The following GRM8 variants were observed in gnomAD, a reference collection of about 807,000 sequenced individuals.
The protein encoded by GRM8 is metabotropic glutamate receptor 8.
Under a neutral mutation model 87.2 loss-of-function variants are expected in GRM8, and 47 were observed. The observed-to-expected ratio is 0.54, with a 90% CI of 0.43 to 0.69. The LOEUF is 0.69. Among genes scored for constraint, GRM8 ranks in the 30% least tolerant of loss-of-function variants. The pLI is 0.00. For missense variants in GRM8, 1,019 were observed against 1,139.2 expected, an observed-to-expected ratio of 0.89 and a Z score of 1.52; for synonymous variants, 396 against 404.5, an observed-to-expected ratio of 0.98 and a Z score of 0.25.
chr7:126,729,991 A>C (rs74318634), intron 7 of GRM8, among the ~76,000 whole-genome samples: 3,297 of 152,224 alleles, frequency 0.022, 98 homozygotes, highest in Non-Finnish European at 0.025. Context: ...TCAGATATGC[A>C]AGAGTTTAGA....
intron 3 of GRM8, among the ~76,000 whole-genome samples, chr7:127,042,592 C>T (rs186078923): frequency 3.3e-5 from 5 of 152,318 alleles, no homozygotes; most frequent in East Asian, 3.9e-4. Context: ...CCCTTCCTTA[C>T]ACCTTATACA....
chr7:127,198,565 G>A (rs1028375157), intron 2 of GRM8, among the ~76,000 whole-genome samples: 1 of 152,172 alleles, frequency 6.6e-6, no homozygotes, highest in Admixed American at 6.6e-5. Context: ...TCCTTTCATT[G>A]AGAGATGTTT....
chr7:126,680,961 T>C (rs2151331694), intron 7 of GRM8, among the ~76,000 whole-genome samples: 1 of 152,314 alleles, frequency 6.6e-6, no homozygotes, highest in South Asian at 2.1e-4. Context: ...CTTTCCCCTG[T>C]CCATTGTGTG....
chr7:127,103,329 T>C (rs1283483338), intron 3 of GRM8, among the ~76,000 whole-genome samples: 1 of 152,210 alleles, frequency 6.6e-6, no homozygotes, highest in African/African-American at 2.4e-5. Context: ...GTTTGGGTCA[T>C]GGGGGCAGAT....
intron 8 of GRM8, among the ~76,000 whole-genome samples, chr7:126,551,963 T>C (rs894185074): frequency 6.6e-6 from 1 of 152,194 alleles, no homozygotes; most frequent in Non-Finnish European, 1.5e-5. Flanking sequence ...CCAATCTACC[T>C]TTTGAGCATC....
intron 9 of GRM8, among the ~76,000 whole-genome samples, chr7:126,483,032 T>C (rs560466219): frequency 1.3e-5 from 2 of 149,684 alleles, no homozygotes; most frequent in Admixed American, 1.3e-4. Context: ...TGTATACTTA[T>C]TTTAGTTACA....
chr7:126,961,662 T>C (rs1809337099), intron 3 of GRM8, among the ~76,000 whole-genome samples: 1 of 152,188 alleles, frequency 6.6e-6, no homozygotes, highest in African/African-American at 2.4e-5. Flanking sequence ...GCTTTGTACA[T>C]GTTCTGTTTT....
intron 7 of GRM8, among the ~76,000 whole-genome samples, chr7:126,707,714 C>T (rs985332330): frequency 6.6e-6 from 1 of 151,952 alleles, no homozygotes; most frequent in Non-Finnish European, 1.5e-5. Flanking sequence ...AGACATTTGC[C>T]CTTTATCTTA....
At chr7:126,722,972 A>G (rs1187256584) in intron 7 of GRM8, among the ~76,000 whole-genome samples, 2 of 144,354 alleles carry the variant, frequency 1.4e-5, no homozygotes, top group Admixed American at 1.4e-4. Flanking sequence ...GTAAATATAT[A>G]ATTTACATAT....
chr7:126,456,519 T>TAAAAAAAAAAAAAAAAAAAAAA lies in GRM8; in HGVS notation c.2431-10169_2431-10148dup, dbSNP rs513. Among the ~76,000 whole-genome samples the TAAAAAAAAAAAAAAAAAAAAAA allele has an allele frequency of 7.3e-4, 51 of 69,684 alleles. 3 individuals carry two copies. The highest frequency in any genetic ancestry group is 7.5e-4 in the Non-Finnish European group (30 of 40,170). 45.7% of individuals were successfully genotyped at this position (69,684 alleles called of 152,430 possible). ...TCCTAAGTGTAAGAAAGCAGCAAGCTAAAAAAAAAAAAAAAAAAAAAAAAA... is the reference window on the plus strand; with the variant it reads ...TCCTAAGTGTAAGAAAGCAGCAAGCTAAAAAAAAAAAAAAAAAAAAAAAAAAAAAAAAAAAAAAAAAAAAAAA... On this transcript the variant is annotated intron_variant, in intron 9 of 10. Transcript: ENST00000339582.
intron 9 of GRM8, among the ~76,000 whole-genome samples, chr7:126,462,709 C>A (rs1804021183): frequency 6.6e-6 from 1 of 151,664 alleles, no homozygotes; most frequent in South Asian, 2.1e-4. Context: ...ACTGATGCTT[C>A]AGTTTTCAGA....
chr7:126,853,634 G>C (rs17684388), intron 6 of GRM8, among the ~76,000 whole-genome samples: 1 of 152,030 alleles, frequency 6.6e-6, no homozygotes, highest in Non-Finnish European at 1.5e-5. Context: ...ACCTTGATGA[G>C]CAACAAGTAG....
chr7:127,175,457 A>G (rs1794047127), intron 2 of GRM8, among the ~76,000 whole-genome samples: 1 of 152,176 alleles, frequency 6.6e-6, no homozygotes, highest in African/African-American at 2.4e-5. Context: ...AAATACTTGA[A>G]AGTAATGACA....
At chr7:126,481,393 T>A (rs1403089280) in intron 9 of GRM8, among the ~76,000 whole-genome samples, 1 of 152,030 alleles carries the variant, frequency 6.6e-6, no homozygotes, top group Non-Finnish European at 1.5e-5. Flanking sequence ...CATAACTTCA[T>A]AATGGAGAAA....
At chr7:126,530,509 C>T (rs1245734667) in intron 9 of GRM8, among the ~76,000 whole-genome samples, 1 of 152,222 alleles carries the variant, frequency 6.6e-6, no homozygotes, top group Non-Finnish European at 1.5e-5. Flanking sequence ...AAAGGAGGCT[C>T]AGGGAAGCCG....
At chr7:126,894,343 C>T (rs926967932) in intron 6 of GRM8, among the ~76,000 whole-genome samples, 44 of 152,002 alleles carry the variant, frequency 2.9e-4, no homozygotes, top group Admixed American at 2.8e-3. Context: ...ATACTCTTTT[C>T]CATTTGTGAG....
At chr7:126,770,117 G>C (rs35648111) in intron 6 of GRM8, 52 bp from the exon 7 acceptor site, 528,432 of 1,226,616 alleles carry the variant, frequency 0.43, 119,326 homozygotes, top group Non-Finnish European at 0.47. Flanking sequence ...TCCAATAAAA[G>C]ACAGCATTAG....
chr7:126,774,450 A>G (rs1563175103), intron 6 of GRM8, among the ~76,000 whole-genome samples: 1 of 152,212 alleles, frequency 6.6e-6, no homozygotes, highest in African/African-American at 2.4e-5. Flanking sequence ...ACCATTTTAA[A>G]TATCACCGAT....
intron 9 of GRM8, among the ~76,000 whole-genome samples, chr7:126,486,905 G>A (rs1177665746): frequency 5.9e-5 from 9 of 152,010 alleles, no homozygotes; most frequent in Admixed American, 5.9e-4. Context: ...CTAGTCCAGA[G>A]TACAGATAAC....
Sources: gnomAD v4.1 joint callset for allele counts (sites outside exome capture counted in the v4.1 genomes callset) on GRCh38, gnomAD v4.1.1 for gene constraint, MANE v1.5 for transcripts, NCBI Gene and HGNC (gene_info 2026-07-23, HGNC 2026-07-21) for gene names.